The following GCNA variants were observed in gnomAD, a reference collection of about 807,000 sequenced individuals.
GCNA encodes germ cell nuclear acidic peptidase.
In GCNA, 3 loss-of-function variants were observed where a neutral mutation model predicts 38.8. The ratio of observed to expected loss-of-function variants is 0.08; its 90% CI spans 0.04 to 0.20. The LOEUF is 0.20. Ranked by LOEUF, GCNA falls within the 10% of genes least tolerant of loss-of-function variation. The probability of loss-of-function intolerance (pLI) is 1.00; values close to 1 mark genes in which losing one functional copy is unlikely to be tolerated. For synonymous variants in GCNA, 195 were observed against 240.2 expected, an observed-to-expected ratio of 0.81 and a Z score of 1.74; for missense variants, 446 against 578.6, an observed-to-expected ratio of 0.77 and a Z score of 2.35.
At chrX:71,596,067 T>A (rs758345109) in intron 6 of GCNA, among the ~76,000 whole-genome samples, 1 of 111,392 alleles carries the variant, frequency 9.0e-6, no homozygotes, top group African/African-American at 3.3e-5. Context: ...AATACAAAAA[T>A]TAGCAGGGTG....
At chrX:71,579,132 G>C (rs1004334442) in intron 1 of GCNA, among the ~76,000 whole-genome samples, 1 of 108,556 alleles carries the variant, frequency 9.2e-6, no homozygotes, top group African/African-American at 3.4e-5. Flanking sequence ...GGAATACGTG[G>C]CGCCGGTGGC....
At chrX:71,589,819 C>CT (rs1309744791) in intron 2 of GCNA, among the ~76,000 whole-genome samples, 1 of 108,320 alleles carries the variant, frequency 9.2e-6, no homozygotes, top group South Asian at 4.0e-4. Context: ...CATATATTTT[C>CT]TTTTTTTTTA....
intron 12 of GCNA, 103 bp from the exon 13 acceptor site, chrX:71,612,759 C>A (rs1227397368): frequency 9.0e-7 from 1 of 1,112,190 alleles, no homozygotes; most frequent in African/African-American, 1.8e-5. Context: ...TCTCTGACAA[C>A]CCAGAGAAAA....
chrX:71,595,165 C>T (rs902169307), intron 6 of GCNA, among the ~76,000 whole-genome samples: 11 of 111,804 alleles, frequency 9.8e-5, no homozygotes, highest in Non-Finnish European at 1.3e-4. Flanking sequence ...GGTGCAATCT[C>T]GGCTCACTGC....
At chrX:71,588,073 G>T (rs921169291) in intron 2 of GCNA, among the ~76,000 whole-genome samples, 2 of 111,984 alleles carry the variant, frequency 1.8e-5, no homozygotes, top group African/African-American at 6.5e-5. Flanking sequence ...GGGATTACAG[G>T]TGTGAGCCAC....
chrX:71,590,190 T>C (rs759644845), intron 2 of GCNA, among the ~76,000 whole-genome samples: 1 of 112,178 alleles, frequency 8.9e-6, no homozygotes, highest in Non-Finnish European at 1.9e-5. Context: ...TTTTTGACCA[T>C]GTATTTCTTC....
chrX:71,608,847 C>A, intron 9 of GCNA, 126 bp from the exon 10 acceptor site: 2 of 806,242 alleles, frequency 2.5e-6, no homozygotes, highest in Non-Finnish European at 3.5e-6. Context: ...TTGGGAAATG[C>A]CCTGATCTAA....
rs890972691 is a variant in GCNA, at chrX:71,602,186, G to A, written c.311-1402G>A. ...GAGATGATACCTCATTGTAGGTTTT[G>A]TTTTTTGTTTTTTGTTTTGTTTGAG... On this transcript the variant is annotated intron_variant, in intron 7 of 12. Coordinates refer to ENST00000373696, the MANE Select transcript of GCNA (RefSeq NM_052957.5). 3.6e-5 allele frequency among the ~76,000 whole-genome samples: 4 copies of A among 111,265 alleles called. No individual in the cohort carries two copies. In the East Asian group the frequency reaches 1.1e-3, roughly 31 times the overall value.
At chrX:71,579,438 G>A (rs143670383) in intron 1 of GCNA, among the ~76,000 whole-genome samples, 1,140 of 101,967 alleles carry the variant, frequency 0.011, 26 homozygotes, top group African/African-American at 0.038. Flanking sequence ...TGGTGGCGGC[G>A]TAGGAACACT....
At chrX:71,585,805 A>G (rs952336348) in intron 2 of GCNA, among the ~76,000 whole-genome samples, 2 of 105,576 alleles carry the variant, frequency 1.9e-5, no homozygotes, top group Non-Finnish European at 3.9e-5. Context: ...TCTAGTAGGC[A>G]GAATTCTTTC....
intron 4 of GCNA, among the ~76,000 whole-genome samples, chrX:71,593,834 T>G (rs1294520753): frequency 9.7e-6 from 1 of 102,695 alleles, no homozygotes; most frequent in Non-Finnish European, 2.0e-5. Flanking sequence ...CAAGACTCAC[T>G]TTCATGTCTT....
chrX:71,587,663 A>G (rs1415876563), intron 2 of GCNA, among the ~76,000 whole-genome samples: 1 of 111,980 alleles, frequency 8.9e-6, no homozygotes, highest in East Asian at 2.8e-4. Flanking sequence ...GATATTTTCA[A>G]TTCCTGATTT....
chrX:71,597,899 G>A, intron 6 of GCNA, 51 bp from the exon 7 acceptor site: 1 of 965,213 alleles, frequency 1.0e-6, no homozygotes, highest in Non-Finnish European at 1.5e-6. Context: ...TGAAAAAGAA[G>A]ACTGTTGCGT....
chrX:71,580,911 G>C, intron 2 of GCNA, 31 bp downstream of exon 2: 1 of 1,163,208 alleles, frequency 8.6e-7, no homozygotes, highest in Non-Finnish European at 1.2e-6. Context: ...TTTTCTTTTA[G>C]TTTAGTGTTA....
chrX:71,609,158 C>T (rs1220118292), intron 10 of GCNA, 41 bp downstream of exon 10: 1 of 1,134,414 alleles, frequency 8.8e-7, no homozygotes, highest in African/African-American at 1.8e-5. Flanking sequence ...ACCTGCTATA[C>T]ACCAGTACTC....
intron 2 of GCNA, among the ~76,000 whole-genome samples, chrX:71,585,769 A>G (rs1434190543): frequency 9.6e-6 from 1 of 104,323 alleles, no homozygotes; most frequent in Non-Finnish European, 2.0e-5. Context: ...ACATTTTTAC[A>G]CACAGAAAAT....
chrX:71,591,674 G>A (rs1428580462), intron 2 of GCNA, among the ~76,000 whole-genome samples: 1 of 107,345 alleles, frequency 9.3e-6, no homozygotes, highest in Non-Finnish European at 1.9e-5. Context: ...GGGTCTTGCT[G>A]TGTCGCCCAC....
intron 9 of GCNA, among the ~76,000 whole-genome samples, chrX:71,607,110 G>A (rs2147731518): frequency 8.9e-6 from 1 of 111,994 alleles, no homozygotes; most frequent in African/African-American, 3.2e-5. Context: ...AGGCCTTGAG[G>A]TGAAAGTATG....
chrX:71,605,583 T>A (rs2040762695), intron 8 of GCNA, 80 bp from the exon 9 acceptor site: 1 of 859,955 alleles, frequency 1.2e-6, no homozygotes, highest in African/African-American at 2.0e-5. Flanking sequence ...GGGCTCCTTT[T>A]GGGTTTACCT....
Sources: gnomAD v4.1 joint callset for allele counts (sites outside exome capture counted in the v4.1 genomes callset) on GRCh38, gnomAD v4.1.1 for gene constraint, MANE v1.5 for transcripts, NCBI Gene and HGNC (gene_info 2026-07-23, HGNC 2026-07-21) for gene names.